Variants in DNAH14 observed in about 807,000 individuals in gnomAD.
The protein encoded by DNAH14 is axonemal beta dynein heavy chain 14.
A neutral mutation model predicts 520.9 loss-of-function variants in DNAH14; 478 were observed. The observed-to-expected ratio is 0.92, with a 90% CI of 0.85 to 0.99. The LOEUF is 0.99. Ranked by LOEUF, DNAH14 falls within the 50% of genes least tolerant of loss-of-function variation. The pLI, the probability that DNAH14 is intolerant of heterozygous loss-of-function variation, is 0.00. For missense variants in DNAH14, 4,831 were observed against 5,234.5 expected (o/e 0.92, Z 2.38); for synonymous variants, 1,581 against 1,757.2 (o/e 0.90, Z 2.51).
intron 4 of DNAH14, among the ~76,000 whole-genome samples, chr1:224,963,814 T>C (rs1322934614): frequency 6.6e-6 from 1 of 152,130 alleles, no homozygotes; most frequent in Non-Finnish European, 1.5e-5. Context: ...TAGTGTCTTA[T>C]ACAAGAGCTC....
intron 8 of DNAH14, among the ~76,000 whole-genome samples, chr1:224,976,112 C>A (rs373267172): frequency 0.014 from 2,199 of 151,970 alleles, 21 homozygotes; most frequent in Non-Finnish European, 0.02. Flanking sequence ...AATTTCTGAT[C>A]TTTTACATTT....
intron 36 of DNAH14, among the ~76,000 whole-genome samples, chr1:225,184,686 A>C (rs1033722919): frequency 1.3e-5 from 2 of 152,082 alleles, no homozygotes; most frequent in Non-Finnish European, 2.9e-5. Flanking sequence ...CATTTTATAA[A>C]ATCCAACATC....
At chr1:225,035,160 C>G (rs2066859881) in intron 11 of DNAH14, among the ~76,000 whole-genome samples, 1 of 151,900 alleles carries the variant, frequency 6.6e-6, no homozygotes, top group African/African-American at 2.4e-5. Flanking sequence ...ATGTGTCTAG[C>G]AATTGATCAC....
intron 36 of DNAH14, among the ~76,000 whole-genome samples, chr1:225,177,482 T>C (rs1199556778): frequency 6.6e-6 from 1 of 152,090 alleles, no homozygotes; most frequent in Admixed American, 6.6e-5. Context: ...CTGGGGAAAA[T>C]GTCTCCAGGG....
At chr1:225,335,741 G>GCA (rs1558435236) in intron 66 of DNAH14, among the ~76,000 whole-genome samples, 4 of 64,902 alleles carry the variant, frequency 6.2e-5, no homozygotes, top group Non-Finnish European at 1.2e-4. Context: ...GTGCATATAT[G>GCA]TATATACGCA....
intron 55 of DNAH14, among the ~76,000 whole-genome samples, chr1:225,294,879 T>TTTG (rs572673419): frequency 6.6e-5 from 10 of 152,134 alleles, no homozygotes; most frequent in South Asian, 4.1e-4. Flanking sequence ...TAGTGGATTT[T>TTTG]TTGTTGTTGT....
intron 25 of DNAH14, among the ~76,000 whole-genome samples, chr1:225,118,755 C>T (rs1397906415): frequency 6.6e-6 from 1 of 151,866 alleles, no homozygotes; most frequent in Non-Finnish European, 1.5e-5. Flanking sequence ...TGGTGGCAGG[C>T]ACCTGTAATC....
intron 43 of DNAH14, among the ~76,000 whole-genome samples, chr1:225,245,681 C>T (rs944892595): frequency 6.6e-6 from 1 of 152,016 alleles, no homozygotes; most frequent in African/African-American, 2.4e-5. Flanking sequence ...ACGTGAAGGA[C>T]CTCTTCAAGG....
At position 225,263,231 on chromosome 1, in the gene DNAH14, C is replaced by T. The variant is rs565277597; in HGVS notation, c.7158-966C>T. On this transcript the variant is annotated intron_variant, in intron 46 of 85. Coordinates refer to ENST00000682510, the MANE Select transcript of DNAH14 (RefSeq NM_001367479.1). ...ACACATATATATACATGTATATATA[C>T]ATATATATACACATATATATACATG... 2.0e-4 allele frequency among the ~76,000 whole-genome samples: 30 copies of T among 150,496 alleles called. No individual in the cohort carries two copies. In the East Asian group the frequency reaches 5.6e-3, roughly 28 times the overall value.
chr1:224,945,820 C>T (rs138867786), intron 1 of DNAH14, among the ~76,000 whole-genome samples: 1,206 of 151,924 alleles, frequency 7.9e-3, no homozygotes, highest in East Asian at 0.056. Flanking sequence ...TGGTGAACAG[C>T]AAATGTTGCT....
At chr1:225,321,510 G>A (rs2094554834) in intron 61 of DNAH14, among the ~76,000 whole-genome samples, 1 of 152,204 alleles carries the variant, frequency 6.6e-6, no homozygotes, top group Admixed American at 6.5e-5. Flanking sequence ...TGCATATAAA[G>A]TTGGCTTGGT....
chr1:225,192,838 A>C lies in DNAH14; in HGVS notation c.5813A>C (p.Tyr1938Ser). The C allele has an allele frequency of 6.5e-7, 1 of 1,550,222 alleles. No individual in the cohort carries two copies. Among genetic ancestry groups the C allele is most frequent in the Non-Finnish European group, 8.7e-7 (1 of 1,146,074 alleles). The change falls in exon 38 of 86, where the codon TAT becomes TCT. Residue 1938 changes from tyrosine to serine, a missense_variant. Physicochemically the swap from Tyr to Ser is moderately radical, Grantham distance 144. Transcript: ENST00000682510. ...LLSATIRSYV[Y>S]FNTPKNTKKD... The stretch of plus-strand genomic sequence containing the variant: ...TCAGCAACAATTCGAAGTTATGTAT[A>C]TTTTAACACACCAAAGAACACAAAG...
chr1:225,098,359 G>C (rs2075171493), intron 22 of DNAH14, among the ~76,000 whole-genome samples: 2 of 152,314 alleles, frequency 1.3e-5, no homozygotes, highest in African/African-American at 4.8e-5. Context: ...GGGTGCTCAA[G>C]TTGAGACAAA....
rs1394160549 is a variant in DNAH14 at position 225,276,083 on chromosome 1, T to C, written c.8178+2T>C. On this transcript the variant is annotated splice_donor_variant, in intron 53 of 85. Coordinates refer to ENST00000682510, the MANE Select transcript of DNAH14 (RefSeq NM_001367479.1). LOFTEE classifies it high-confidence loss of function. Reference sequence around the variant, plus strand: ...AAGTTGGGTTCAATTTCTTTGGAGGTAAACATATATACTATATAAAAATCT... The same window carrying C: ...AAGTTGGGTTCAATTTCTTTGGAGGCAAACATATATACTATATAAAAATCT... The C allele has an allele frequency of 8.8e-6, 3 of 339,212 alleles. No homozygotes were observed. In the Admixed American group the frequency reaches 1.3e-4, roughly 15 times the overall value. 21.0% of individuals were successfully genotyped at this position (339,212 alleles called of 1,614,324 possible). A position where few individuals can be genotyped will look rare whatever the true frequency, so the allele number is the denominator to read the frequency against.
At chr1:225,211,245 C>T (rs754158048) in intron 41 of DNAH14, among the ~76,000 whole-genome samples, 1 of 152,090 alleles carries the variant, frequency 6.6e-6, no homozygotes, top group Non-Finnish European at 1.5e-5. Flanking sequence ...TGCCAGTAAG[C>T]TAAGAACCTT....
intron 42 of DNAH14, among the ~76,000 whole-genome samples, chr1:225,236,229 T>C (rs2091568011): frequency 6.6e-6 from 1 of 152,238 alleles, no homozygotes; most frequent in Non-Finnish European, 1.5e-5. Context: ...CATTATCTGT[T>C]TGTTTGCATT....
At chr1:225,378,277 C>T (rs753749162) in intron 79 of DNAH14, among the ~76,000 whole-genome samples, 7 of 151,872 alleles carry the variant, frequency 4.6e-5, no homozygotes, top group Non-Finnish European at 1.0e-4. Context: ...GGACTTAATC[C>T]AAACATCTAT....
At chr1:225,303,473 G>A in intron 57 of DNAH14, 126 bp downstream of exon 57, 1 of 777,336 alleles carries the variant, frequency 1.3e-6, no homozygotes, top group Non-Finnish European at 2.0e-6. Flanking sequence ...CAATAAAATG[G>A]ATCAAGTGTT....
intron 66 of DNAH14, among the ~76,000 whole-genome samples, chr1:225,333,773 T>C (rs1431856718): frequency 6.6e-6 from 1 of 152,162 alleles, no homozygotes; most frequent in African/African-American, 2.4e-5. Flanking sequence ...TCAATGAATA[T>C]AGGCAATTTC....
Sources: gnomAD v4.1 joint callset for allele counts (sites outside exome capture counted in the v4.1 genomes callset) on GRCh38, gnomAD v4.1.1 for gene constraint, MANE v1.5 for transcripts, NCBI Gene and HGNC (gene_info 2026-07-23, HGNC 2026-07-21) for gene names.